GRIK3: variants seen among roughly 807,000 people sequenced by gnomAD.
GRIK3 encodes the protein glutamate ionotropic receptor kainate type subunit 3.
A neutral mutation model predicts 102.5 loss-of-function variants in GRIK3; 29 were observed. The observed-to-expected ratio is 0.28, with a 90% CI of 0.21 to 0.39. The LOEUF (loss-of-function observed/expected upper bound fraction) is 0.39, where lower values mean the gene tolerates loss of function less well. GRIK3 is among the 10% of genes least tolerant of loss of function. GRIK3 has a pLI of 1.00. For missense variants in GRIK3, 908 were observed against 1,252.4 expected (o/e 0.73, Z 4.15); for synonymous variants, 511 against 504.9 (o/e 1.01, Z -0.16).
chr1:36,933,433 T>G (rs747919058), intron 1 of GRIK3, among the ~76,000 whole-genome samples: 1 of 152,268 alleles, frequency 6.6e-6, no homozygotes, highest in Non-Finnish European at 1.5e-5. Flanking sequence ...TAATGGTAAC[T>G]ATGTAGTTTC....
intron 1 of GRIK3, among the ~76,000 whole-genome samples, chr1:37,017,369 T>TAAAAAAAAAA (rs774819790): frequency 2.9e-4 from 14 of 48,524 alleles, no homozygotes; most frequent in African/African-American, 8.2e-4. Context: ...CCCTGTCTCT[T>TAAAAAAAAAA]AAAAAAAAAA....
intron 1 of GRIK3, among the ~76,000 whole-genome samples, chr1:37,019,252 G>A (rs1257659660): frequency 6.6e-6 from 1 of 152,208 alleles, no homozygotes; most frequent in Non-Finnish European, 1.5e-5. Context: ...AACCCTGGAG[G>A]GGGATAAATG....
intron 1 of GRIK3, among the ~76,000 whole-genome samples, chr1:36,924,010 G>T (rs901980729): frequency 2.0e-5 from 3 of 152,110 alleles, no homozygotes; most frequent in African/African-American, 7.2e-5. Flanking sequence ...GTGCACACAT[G>T]TGTACACACA....
chr1:36,952,559 A>T (rs1641857482), intron 1 of GRIK3, among the ~76,000 whole-genome samples: 1 of 152,200 alleles, frequency 6.6e-6, no homozygotes, highest in African/African-American at 2.4e-5. Flanking sequence ...TTGGAAAATA[A>T]GTTACATAAT....
chr1:36,973,109 T>C (rs1282793344), intron 1 of GRIK3, among the ~76,000 whole-genome samples: 1 of 152,042 alleles, frequency 6.6e-6, no homozygotes, highest in Non-Finnish European at 1.5e-5. Context: ...CTCCAGGCAG[T>C]CCCTTCATGC....
chr1:36,822,825 C>A (rs1642710453), intron 11 of GRIK3, among the ~76,000 whole-genome samples: 1 of 152,236 alleles, frequency 6.6e-6, no homozygotes, highest in Non-Finnish European at 1.5e-5. Context: ...CGAGTGCCAA[C>A]TGTCCTGATC....
chr1:36,984,904 G>A (rs822856), intron 1 of GRIK3, among the ~76,000 whole-genome samples: 4 of 152,006 alleles, frequency 2.6e-5, no homozygotes, highest in Non-Finnish European at 4.4e-5. Flanking sequence ...AGTGGGCAGC[G>A]GAGGGGGTGG....
chr1:37,031,284 G>C (rs1642824963), intron 1 of GRIK3, among the ~76,000 whole-genome samples: 1 of 152,028 alleles, frequency 6.6e-6, no homozygotes. Flanking sequence ...TCTCTCCCTT[G>C]CTCTCTCCCT....
At chr1:36,987,552 G>T (rs546896418) in intron 1 of GRIK3, among the ~76,000 whole-genome samples, 4 of 152,216 alleles carry the variant, frequency 2.6e-5, no homozygotes, top group African/African-American at 9.6e-5. Flanking sequence ...CCTGCCAGAG[G>T]AGCAAAGAAG....
At chr1:36,922,322 G>A (rs998888094) in intron 1 of GRIK3, among the ~76,000 whole-genome samples, 2 of 152,174 alleles carry the variant, frequency 1.3e-5, no homozygotes, top group Non-Finnish European at 2.9e-5. Context: ...GAGGTCAGGC[G>A]GTGGGTTCTG....
chr1:36,822,116 C>T (rs1197086010), intron 11 of GRIK3, among the ~76,000 whole-genome samples: 2 of 152,194 alleles, frequency 1.3e-5, no homozygotes, highest in Non-Finnish European at 2.9e-5. Context: ...AGCTGTGGTG[C>T]ACTCTGCTGG....
intron 1 of GRIK3, among the ~76,000 whole-genome samples, chr1:37,027,590 A>G: frequency 6.6e-6 from 1 of 152,218 alleles, no homozygotes; most frequent in East Asian, 1.9e-4. Context: ...TCCAAGGGCA[A>G]AAAGAAACGC....
At chr1:36,930,718 G>T (rs939351471) in intron 1 of GRIK3, among the ~76,000 whole-genome samples, 1 of 152,162 alleles carries the variant, frequency 6.6e-6, no homozygotes, top group Non-Finnish European at 1.5e-5. Flanking sequence ...CCTTTGGAGT[G>T]GGGTATGGGG....
intron 13 of GRIK3, among the ~76,000 whole-genome samples, chr1:36,814,975 A>G (rs1642609063): frequency 6.6e-6 from 1 of 152,174 alleles, no homozygotes; most frequent in Admixed American, 6.5e-5. Flanking sequence ...ATGTCCCCAC[A>G]CAGGCAGAGT....
chr1:36,875,050 T>C (rs986064958), intron 3 of GRIK3, among the ~76,000 whole-genome samples: 1 of 152,218 alleles, frequency 6.6e-6, no homozygotes, highest in South Asian at 2.1e-4. Flanking sequence ...CACAAAGCGC[T>C]TCTGCATTCA....
chr1:37,004,162 A>G (rs1468434721), intron 1 of GRIK3, among the ~76,000 whole-genome samples: 1 of 152,176 alleles, frequency 6.6e-6, no homozygotes, highest in Non-Finnish European at 1.5e-5. Flanking sequence ...GCAACAGGGC[A>G]GGAAGTCACA....
At chr1:36,952,674 G>A (rs931913116) in intron 1 of GRIK3, among the ~76,000 whole-genome samples, 1 of 152,244 alleles carries the variant, frequency 6.6e-6, no homozygotes, top group African/African-American at 2.4e-5. Context: ...GGAGCTTAGA[G>A]TTTGGTGGGG....
In GRIK3 at chr1:36,942,995, A is replaced by C. The variant is rs1442557004; in HGVS notation, c.116-51899T>G. ...TAACAACTACATGAAGCTATGTGGC[A>C]GGTGCTGTTCTAAGTGTTGTACCCA... On this transcript the variant is annotated intron_variant, in intron 1 of 15. Transcript: ENST00000373091. 2.0e-5 allele frequency among the ~76,000 whole-genome samples: 3 copies of C among 152,304 alleles called. No homozygotes were observed. The East Asian group carries it at 5.8e-4, about 29-fold the overall frequency.
Position 36,806,275 on chromosome 1 carries a change from G to C in GRIK3, c.2143C>G (p.Pro715Ala), listed in dbSNP as rs773456923. 6.2e-7 allele frequency: 1 copy of C among 1,614,150 alleles called. No individual in the cohort carries two copies. Among genetic ancestry groups the C allele is most frequent in the Non-Finnish European group, 8.5e-7 (1 of 1,179,978 alleles). Reference sequence around the variant, plus strand: ...TCGTTGTTCTTCACCAGCGCCGATGGCTTGCTGCTCATGAAGGCCCACATC... The same window carrying C: ...TCGTTGTTCTTCACCAGCGCCGATGCCTTGCTGCTCATGAAGGCCCACATC... ...EKMWAFMSSK[P>A]SALVKNNEEG... Residue 715 changes from proline to alanine, a missense_variant, in exon 14 of 16, where the codon CCA becomes GCA. Physicochemically the swap from Pro to Ala is conservative, Grantham distance 27. Coordinates refer to ENST00000373091, the MANE Select transcript of GRIK3 (RefSeq NM_000831.4). The surrounding 1 kb of genome is among the most constrained non-coding windows in gnomAD (Gnocchi z 4.0).
Sources: gnomAD v4.1 joint callset for allele counts (sites outside exome capture counted in the v4.1 genomes callset) on GRCh38, gnomAD v4.1.1 for gene constraint, Gnocchi (gnomAD v3.1) non-coding constraint, MANE v1.5 for transcripts, NCBI Gene and HGNC (gene_info 2026-07-23, HGNC 2026-07-21) for gene names.